Variants in B9D1 observed in about 807,000 individuals in gnomAD.
B9D1 encodes B9 domain-containing protein 1.
B9D1 carries 20 observed loss-of-function variants against 26.1 expected under a neutral mutation model. The observed-to-expected ratio is 0.77, with a 90% confidence interval of 0.54 to 1.12. The LOEUF (loss-of-function observed/expected upper bound fraction) is 1.12, where lower values mean the gene tolerates loss of function less well. Among genes scored for constraint, B9D1 ranks in the 50% most tolerant of loss-of-function variants. B9D1 has a pLI of 0.00. For synonymous variants in B9D1, 105 were observed against 103.1 expected (o/e 1.02, Z -0.11); for missense variants, 260 against 273.7 (o/e 0.95, Z 0.35).
At chr17:19,335,497 T>A (rs1412085479), downstream of B9D1, 2 of 1,542,386 alleles carry the variant, frequency 1.3e-6, no homozygotes, top group East Asian at 4.9e-5. Flanking sequence ...TCCTCTGTCT[T>A]AATCCACGCT....
In B9D1 at chr17:19,375,696, C is replaced by T. The variant is rs189123997; in HGVS notation, c.-298+2163G>A. Among the ~76,000 whole-genome samples, 798 of 152,256 alleles carry T rather than the reference C, an allele frequency of 5.2e-3. 5 individuals are homozygous for T. The highest frequency in any genetic ancestry group is 6.8e-3 in the Non-Finnish European group (466 of 68,036). On this transcript the variant is annotated intron_variant, in intron 1 of 5. Transcript: ENST00000477478. ...TGCAGATGTTGCAGTGAGCCGAGAT[C>T]GTGCCAGTGCACTCCAGCCTGGGCG...
chr17:19,374,768 G>A (rs984260015), intron 1 of B9D1, among the ~76,000 whole-genome samples: 10 of 152,044 alleles, frequency 6.6e-5, no homozygotes, highest in Admixed American at 2.0e-4. Flanking sequence ...ACAGATAACT[G>A]GACTTCATCA....
chr17:19,343,922 C>G, intron 5 of B9D1, 65 bp from the exon 6 acceptor site: 1 of 1,608,712 alleles, frequency 6.2e-7, no homozygotes, highest in South Asian at 1.1e-5. Flanking sequence ...TTGGACGACA[C>G]TGGATGTGGG....
intron 1 of B9D1, among the ~76,000 whole-genome samples, chr17:19,377,120 G>A (rs774473943): frequency 5.3e-5 from 8 of 152,236 alleles, no homozygotes; most frequent in Admixed American, 1.3e-4. Context: ...GGCTGACTAT[G>A]CCCCGACCAT....
chr17:19,358,366 C>T (rs1598084436), intron 2 of B9D1, among the ~76,000 whole-genome samples: 1 of 152,172 alleles, frequency 6.6e-6, no homozygotes, highest in Non-Finnish European at 1.5e-5. Context: ...CTTCTTCCAC[C>T]CACCAACCCT....
At chr17:19,357,801 G>A (rs569366082) in intron 3 of B9D1, 39 bp downstream of exon 3, 1 of 1,494,746 alleles carries the variant, frequency 6.7e-7, no homozygotes, top group African/African-American at 1.4e-5. Context: ...CTGTGTGAAA[G>A]CTCTGCCACC....
intron 3 of B9D1, 50 bp downstream of exon 3, chr17:19,357,790 G>A (rs749274402): frequency 7.6e-7 from 1 of 1,324,020 alleles, no homozygotes; most frequent in Non-Finnish European, 1.1e-6. Flanking sequence ...TCTTGGGGGT[G>A]CTGTGTGAAA....
rs1164273039 is a variant in B9D1 at position 19,362,574 on chromosome 17, G to A, written c.-5C>T. ...GCTAGGACTCGCGGTCGCCATGGCA[G>A]GTCTGGGGGTGCCGGGGGGACCCAC... On this transcript the variant is annotated 5_prime_UTR_variant, in exon 1 of 7. Coordinates refer to ENST00000261499, the MANE Select transcript of B9D1 (RefSeq NM_015681.6). 1.9e-6 allele frequency: 3 copies of A among 1,588,632 alleles called. No individual in the cohort carries two copies. Among genetic ancestry groups the A allele is most frequent in the African/African-American group, 2.7e-5 (2 of 74,692 alleles).
intron 5 of B9D1, among the ~76,000 whole-genome samples, chr17:19,345,518 C>T (rs1408475561): frequency 6.6e-6 from 1 of 152,170 alleles, no homozygotes; most frequent in African/African-American, 2.4e-5. Context: ...CTTGAGGCGA[C>T]TATCCAGGTG....
chr17:19,362,673 T>C lies in B9D1; in HGVS notation c.-104A>G, dbSNP rs1276066155. On this transcript the variant is annotated 5_prime_UTR_variant, in exon 1 of 7. Transcript: ENST00000261499. ...GACGGCGTAGCGCGCAGGACACGTT[T>C]CTTGGCAGCGACACCTTCGCGAAGG... 1.3e-6 allele frequency: 2 copies of C among 1,543,958 alleles called. No homozygotes were observed. Among genetic ancestry groups the C allele is most frequent in the South Asian group, 2.4e-5 (2 of 84,014 alleles).
chr17:19,345,119 G>A (rs925689593), intron 5 of B9D1, among the ~76,000 whole-genome samples: 1 of 152,192 alleles, frequency 6.6e-6, no homozygotes, highest in African/African-American at 2.4e-5. Context: ...GCTGGCTGGG[G>A]TTGGGGAGAC....
chr17:19,334,793 G>C (rs977531740), downstream of B9D1: 1 of 153,038 alleles, frequency 6.5e-6, no homozygotes, highest in African/African-American at 2.4e-5. The surrounding 1 kb of genome is among the most constrained non-coding windows in gnomAD (Gnocchi z 4.9). Context: ...AAATCCACTA[G>C]AGCGAGCTTT....
chr17:19,345,939 T>C (rs1287391240), intron 5 of B9D1, among the ~76,000 whole-genome samples: 1 of 152,234 alleles, frequency 6.6e-6, no homozygotes, highest in Non-Finnish European at 1.5e-5. Flanking sequence ...TCTCCAGTTT[T>C]TGTAATCCAA....
chr17:19,362,739 G>A (rs1192621834), upstream of B9D1: 6 of 1,520,630 alleles, frequency 3.9e-6, no homozygotes, highest in Admixed American at 2.0e-5. Context: ...CGCAGTGAAC[G>A]GGCGCCGTTA....
At chr17:19,357,588 C>A in intron 3 of B9D1, 1 of 533,404 alleles carries the variant, frequency 1.9e-6, no homozygotes, top group Non-Finnish European at 3.4e-6. Flanking sequence ...CAGGCGTGGC[C>A]ACTAGCCCTG....
intron 1 of B9D1, among the ~76,000 whole-genome samples, chr17:19,374,950 A>G (rs1912040361): frequency 6.6e-6 from 1 of 152,234 alleles, no homozygotes; most frequent in Non-Finnish European, 1.5e-5. Context: ...TAGAATATAT[A>G]AAGAACTCTG....
downstream of B9D1, chr17:19,335,338 GA>G (rs1324689518): frequency 1.3e-6 from 2 of 1,489,046 alleles, no homozygotes; most frequent in Non-Finnish European, 1.8e-6. Context: ...GAAAGTTAAA[GA>G]AAAAAATCTA....
intron 1 of B9D1, among the ~76,000 whole-genome samples, chr17:19,367,889 C>T (rs1036154731): frequency 5.3e-5 from 8 of 152,136 alleles, no homozygotes; most frequent in African/African-American, 1.2e-4. Context: ...CTCAAAGTCC[C>T]GGCATATGCA....
intron 3 of B9D1, among the ~76,000 whole-genome samples, chr17:19,356,887 C>T (rs1266806710): frequency 6.6e-6 from 1 of 152,208 alleles, no homozygotes; most frequent in Non-Finnish European, 1.5e-5. Flanking sequence ...CCAGTACCTA[C>T]AGTACCTATT....
Sources: allele counts gnomAD v4.1 joint callset (sites outside exome capture counted in the v4.1 genomes callset), GRCh38; gene constraint gnomAD v4.1.1; non-coding constraint Gnocchi (gnomAD v3.1); transcripts MANE v1.5; gene names NCBI Gene and HGNC (gene_info 2026-07-23, HGNC 2026-07-21).